The following BMP2K variants were observed in gnomAD, a reference collection of about 807,000 sequenced individuals.
The protein encoded by BMP2K is BMP2 inducible kinase, also known as BMP-2-inducible protein kinase.
A neutral mutation model predicts 116.0 loss-of-function variants in BMP2K; 74 were observed. That is an observed-to-expected ratio of 0.64 (90% CI 0.53 to 0.77). The LOEUF (loss-of-function observed/expected upper bound fraction) is 0.77. Among genes scored for constraint, BMP2K ranks in the 30% least tolerant of loss-of-function variants. The pLI is 0.00. For synonymous variants in BMP2K, 486 were observed against 502.5 expected (o/e 0.97, Z 0.44); for missense variants, 1,365 against 1,403.6 (o/e 0.97, Z 0.44).
intron 1 of BMP2K, among the ~76,000 whole-genome samples, chr4:78,780,374 G>A (rs1426138): frequency 0.14 from 20,777 of 152,060 alleles, 1,678 homozygotes; most frequent in South Asian, 0.27. Context: ...GTTAGTAATT[G>A]GAGGCCAGGA....
chr4:78,844,995 A>C lies in BMP2K; in HGVS notation c.614A>C (p.Lys205Thr). 6.3e-7 allele frequency: 1 copy of C among 1,594,096 alleles called. No homozygotes were observed. The highest frequency in any genetic ancestry group is 1.1e-5 in the South Asian group (1 of 90,168). ...TGTGACTTTGGCAGTGCCACTAATAAATTTCTTAATCCTCAAAAAGATGGA... is the reference window on the plus strand; with the variant it reads ...TGTGACTTTGGCAGTGCCACTAATACATTTCTTAATCCTCAAAAAGATGGA... Reference protein sequence around the residue: ...VLCDFGSATNKFLNPQKDGVN... With the variant: ...VLCDFGSATNTFLNPQKDGVN... Residue 205 changes from lysine (K) to threonine (T), a missense_variant, in exon 5 of 16, where the codon AAA becomes ACA. Lys to Thr is a moderately conservative substitution (Grantham distance 78, BLOSUM62 -1). This residue lies in a region of BMP2K where 762 missense variants were observed against 756.7 expected (regional missense o/e 1.01). Coordinates refer to ENST00000502613, the MANE Select transcript of BMP2K (RefSeq NM_198892.2).
At chr4:78,792,708 A>G (rs1728063485) in intron 1 of BMP2K, among the ~76,000 whole-genome samples, 1 of 151,886 alleles carries the variant, frequency 6.6e-6, no homozygotes, top group Admixed American at 6.6e-5. Flanking sequence ...TATAACCTAT[A>G]TTTTCCAAGC....
chr4:78,807,882 TA>T (rs1426436348), intron 1 of BMP2K, among the ~76,000 whole-genome samples: 4 of 152,156 alleles, frequency 2.6e-5, no homozygotes, highest in African/African-American at 4.8e-5. Flanking sequence ...CTGATTATAT[TA>T]ATTTGTTTTT....
Position 78,845,012 on chromosome 4 carries a change from A to G in BMP2K, c.631A>G (p.Lys211Glu). 1 of 1,589,126 alleles carries G rather than the reference A, an allele frequency of 6.3e-7. No homozygotes were observed. The highest frequency in any genetic ancestry group is 2.2e-5 in the East Asian group (1 of 44,524). The change falls in exon 5 of 16, where the codon AAA becomes GAA. Residue 211 changes from lysine (K) to glutamate (E), a missense_variant. Coordinates refer to ENST00000502613, the MANE Select transcript of BMP2K (RefSeq NM_198892.2). The part of the protein sequence containing the change: ...SATNKFLNPQ[K>E]DGVNVVEEEI... Reference sequence around the variant, plus strand: ...CACTAATAAATTTCTTAATCCTCAAAAAGATGGAGTTAATGTAGTAGAAGA... The same window carrying G: ...CACTAATAAATTTCTTAATCCTCAAGAAGATGGAGTTAATGTAGTAGAAGA...
intron 14 of BMP2K, 100 bp downstream of exon 14, chr4:78,878,991 C>T: frequency 6.6e-7 from 1 of 1,515,848 alleles, no homozygotes; most frequent in South Asian, 1.4e-5. Context: ...ATGGAAAATT[C>T]TTTTTGTGCA....
intron 7 of BMP2K, among the ~76,000 whole-genome samples, chr4:78,858,712 TAAG>T (rs1482228859): frequency 6.6e-6 from 1 of 151,908 alleles, no homozygotes; most frequent in Non-Finnish European, 1.5e-5. Flanking sequence ...TTAGCAAACT[TAAG>T]AATATCTAAT....
chr4:78,862,909 GT>G (rs1264873935), intron 9 of BMP2K, among the ~76,000 whole-genome samples: 1 of 152,032 alleles, frequency 6.6e-6, no homozygotes, highest in Non-Finnish European at 1.5e-5. Flanking sequence ...CACTGTTATA[GT>G]TGAGTGTTAA....
At chr4:78,832,792 C>A (rs1730272956) in intron 2 of BMP2K, among the ~76,000 whole-genome samples, 1 of 152,130 alleles carries the variant, frequency 6.6e-6, no homozygotes, top group Non-Finnish European at 1.5e-5. Context: ...TTTGATGATT[C>A]ATCCCCATTA....
intron 1 of BMP2K, among the ~76,000 whole-genome samples, chr4:78,811,406 A>G (rs6818376): frequency 0.019 from 2,951 of 152,286 alleles, 97 homozygotes; most frequent in African/African-American, 0.067. Flanking sequence ...CATTAATGCT[A>G]TTAATTTATA....
At chr4:78,849,305 A>G (rs540737766) in intron 6 of BMP2K, among the ~76,000 whole-genome samples, 1 of 151,506 alleles carries the variant, frequency 6.6e-6, no homozygotes, top group African/African-American at 2.4e-5. Context: ...TTTCTTGTAC[A>G]ATTCTCATTG....
intron 10 of BMP2K, among the ~76,000 whole-genome samples, chr4:78,869,443 C>T (rs2110056756): frequency 6.6e-6 from 1 of 152,132 alleles, no homozygotes; most frequent in East Asian, 1.9e-4. Context: ...AGAATAAATC[C>T]TAGCATTCTA....
intron 7 of BMP2K, among the ~76,000 whole-genome samples, chr4:78,852,734 T>TCTC (rs1385031005): frequency 1.3e-5 from 2 of 152,092 alleles, no homozygotes; most frequent in African/African-American, 4.8e-5. Context: ...GCCTCCTGAG[T>TCTC]AGCTGGAACT....
At chr4:78,847,781 A>G (rs1430337158) in intron 6 of BMP2K, among the ~76,000 whole-genome samples, 3 of 151,774 alleles carry the variant, frequency 2.0e-5, no homozygotes, top group African/African-American at 7.2e-5. Flanking sequence ...GAGATAGACC[A>G]TATTTCTTTA....
intron 15 of BMP2K, among the ~76,000 whole-genome samples, chr4:78,902,072 GTTTAT>G: frequency 6.6e-6 from 1 of 152,232 alleles, no homozygotes; most frequent in South Asian, 2.1e-4. Context: ...GAGGTGTATT[GTTTAT>G]TTTAGATTCT....
At chr4:78,855,187 A>G (rs1316670346) in intron 7 of BMP2K, among the ~76,000 whole-genome samples, 4 of 152,192 alleles carry the variant, frequency 2.6e-5, no homozygotes, top group Admixed American at 1.3e-4. Context: ...TAAGATATGT[A>G]GGACATATAG....
At chr4:78,860,028 T>C (rs762660552) in intron 8 of BMP2K, 8 of 514,212 alleles carry the variant, frequency 1.6e-5, no homozygotes, top group African/African-American at 1.2e-4. Context: ...TTTTTTTTTT[T>C]TTCTTAGAAG....
chr4:78,781,858 A>G (rs1026025583), intron 1 of BMP2K, among the ~76,000 whole-genome samples: 23 of 152,094 alleles, frequency 1.5e-4, no homozygotes, highest in Admixed American at 1.2e-3. Context: ...ACTGATTTCG[A>G]GCGGGCGAAG....
At chr4:78,804,962 T>A (rs1042054971) in intron 1 of BMP2K, among the ~76,000 whole-genome samples, 3 of 152,192 alleles carry the variant, frequency 2.0e-5, no homozygotes, top group Non-Finnish European at 4.4e-5. Flanking sequence ...ATGCTTTTGA[T>A]ATGTTAATGT....
At chr4:78,834,688 A>T (rs1730380456) in intron 3 of BMP2K, among the ~76,000 whole-genome samples, 1 of 152,176 alleles carries the variant, frequency 6.6e-6, no homozygotes, top group South Asian at 2.1e-4. Context: ...GAAAGTAATG[A>T]TTGTTAATTA....
Sources: allele counts gnomAD v4.1 joint callset (sites outside exome capture counted in the v4.1 genomes callset), GRCh38; gene constraint gnomAD v4.1.1; regional missense constraint gnomAD v4.1.1; transcripts MANE v1.5; gene names NCBI Gene and HGNC (gene_info 2026-07-23, HGNC 2026-07-21).